The following ITSN1 variants were observed in gnomAD, a reference collection of about 807,000 sequenced individuals.
ITSN1 encodes the protein intersectin-1.
Under a neutral mutation model 239.8 loss-of-function variants are expected in ITSN1, and 58 were observed. The observed-to-expected ratio is 0.24, with a 90% CI of 0.20 to 0.30. The LOEUF (loss-of-function observed/expected upper bound fraction) is 0.30, where lower values mean the gene tolerates loss of function less well. Ranked by LOEUF, ITSN1 falls within the 10% of genes least tolerant of loss-of-function variation. The pLI, the probability that ITSN1 is intolerant of heterozygous loss-of-function variation, is 1.00. For missense variants in ITSN1, 1,558 were observed against 2,103.3 expected (o/e 0.74, Z 5.07); for synonymous variants, 780 against 770.8 (o/e 1.01, Z -0.20).
In ITSN1 at chr21:33,811,158, C is replaced by G; in HGVS notation, c.2503C>G (p.Pro835Ala). ...ACTGGCCTTGCGTGAGACCCCCGCC[C>G]CTTTGGCAGTAACCTCTTCAGAGCC... ...PKLALRETPA[P>A]LAVTSSEPST... The change falls in exon 21 of 40, where the codon CCT (proline) becomes GCT (alanine). Residue 835 changes from proline (P) to alanine (A), a missense_variant. Physicochemically the swap from Pro to Ala is conservative, Grantham distance 27. Around this residue, in one of 2 missense-constraint regions of ITSN1, gnomAD observed 982 missense variants for 1,209.9 expected, o/e 0.81. Transcript: ENST00000381318. 1 of 1,613,524 alleles carries G rather than the reference C, an allele frequency of 6.2e-7. No homozygotes were observed. The highest frequency in any genetic ancestry group is 8.5e-7 in the Non-Finnish European group (1 of 1,179,812).
chr21:33,895,370 AT>A lies in ITSN1; in HGVS notation c.*7075del. The A allele has an allele frequency of 6.6e-6, 1 of 152,504 alleles. No homozygotes were observed. The highest frequency in any genetic ancestry group is 1.5e-5 in the Non-Finnish European group (1 of 68,264). 9.4% of individuals were successfully genotyped at this position (152,504 alleles called of 1,614,324 possible). ...CTTCTGGAATTTTAGGTGGAAGGGA[AT>A]TTTTGTTGGTGGGACGCAGCAGCTC... On this transcript the variant is annotated 3_prime_UTR_variant, in exon 40 of 40. Coordinates refer to ENST00000381318, the MANE Select transcript of ITSN1 (RefSeq NM_003024.3).
At chr21:33,815,982 G>A (rs1387172922) in intron 22 of ITSN1, among the ~76,000 whole-genome samples, 1 of 152,050 alleles carries the variant, frequency 6.6e-6, no homozygotes, top group Non-Finnish European at 1.5e-5. Context: ...AGGAGTTCGT[G>A]TCCAGCCTGG....
chr21:33,879,876 C>T (rs1008190595), intron 34 of ITSN1, among the ~76,000 whole-genome samples: 1 of 152,206 alleles, frequency 6.6e-6, no homozygotes, highest in African/African-American at 2.4e-5. Flanking sequence ...GACGGGGTTT[C>T]GCCATGTTGG....
At chr21:33,805,416 A>G (rs955568789) in intron 20 of ITSN1, among the ~76,000 whole-genome samples, 1 of 152,188 alleles carries the variant, frequency 6.6e-6, no homozygotes, top group African/African-American at 2.4e-5. Context: ...ATTTCCATAG[A>G]TTAAACATCA....
At chr21:33,741,810 G>A (rs911973177) in intron 5 of ITSN1, among the ~76,000 whole-genome samples, 17 of 149,324 alleles carry the variant, frequency 1.1e-4, no homozygotes, top group Non-Finnish European at 2.5e-4. Flanking sequence ...CAGGAGAATG[G>A]CGTGAACCCT....
At position 33,829,719 on chromosome 21, in the gene ITSN1, G is replaced by T. The variant is rs1569267628; in HGVS notation, c.3325G>T (p.Gly1109Cys). The change falls in exon 27 of 40, where the codon GGT becomes TGT. Residue 1109 changes from glycine to cysteine, a missense_variant. By Grantham distance (159) the Gly-to-Cys change is radical (BLOSUM62 -3). Around this residue, in one of 2 missense-constraint regions of ITSN1, gnomAD observed 576 missense variants for 893.3 expected, o/e 0.64. Coordinates refer to ENST00000381318, the MANE Select transcript of ITSN1 (RefSeq NM_003024.3). ...QLILIRKKNPGGWWEGELQAR... is the reference protein window; with the variant it reads ...QLILIRKKNPCGWWEGELQAR... ...GATTTTGATCCGAAAAAAGAACCCA[G>T]GTGGATGGTGGGAAGGAGAGCTGCA... The T allele has an allele frequency of 6.2e-7, 1 of 1,613,694 alleles. No individual in the cohort carries two copies. The highest frequency in any genetic ancestry group is 8.5e-7 in the Non-Finnish European group (1 of 1,179,996).
chr21:33,819,120 A>G (rs1342993285), intron 23 of ITSN1, 121 bp from the exon 24 acceptor site: 3 of 674,604 alleles, frequency 4.4e-6, no homozygotes, highest in Non-Finnish European at 7.7e-6. Flanking sequence ...AAGTACAACT[A>G]TTTCAGCTGT....
intron 29 of ITSN1, among the ~76,000 whole-genome samples, chr21:33,843,850 GATA>G (rs1253692891): frequency 3.9e-5 from 6 of 152,228 alleles, no homozygotes; most frequent in Admixed American, 2.6e-4. Context: ...CATATGGAGA[GATA>G]ATGATGACAT....
intron 16 of ITSN1, among the ~76,000 whole-genome samples, chr21:33,782,344 A>C (rs547049388): frequency 2.0e-5 from 3 of 152,204 alleles, no homozygotes; most frequent in Non-Finnish European, 4.4e-5. Flanking sequence ...ATCTATTTTT[A>C]ACCTGAATCA....
At chr21:33,748,677 C>T (rs555879793) in intron 5 of ITSN1, among the ~76,000 whole-genome samples, 10 of 150,196 alleles carry the variant, frequency 6.7e-5, no homozygotes, top group South Asian at 4.2e-4. Flanking sequence ...TCATCTCTAC[C>T]GCCCCACCAA....
At position 33,702,081 on chromosome 21, in the gene ITSN1, A is replaced by G. The variant is rs1601721225; in HGVS notation, c.-32-16716A>G. On this transcript the variant is annotated intron_variant, in intron 1 of 39. Transcript: ENST00000381318. ...AAACTCTCTCTCAAAAAACAAAAAAACAAACAAAAAAATTTTTTTTTTTTT... is the reference window on the plus strand; with the variant it reads ...AAACTCTCTCTCAAAAAACAAAAAAGCAAACAAAAAAATTTTTTTTTTTTT... Among the ~76,000 whole-genome samples the G allele has an allele frequency of 5.5e-5, 7 of 127,114 alleles. No individual in the cohort carries two copies. In the Admixed American group the frequency reaches 5.6e-4, roughly 10 times the overall value. 83.4% of individuals were successfully genotyped at this position (127,114 alleles called of 152,430 possible). A position where few individuals can be genotyped will look rare whatever the true frequency, so the allele number is the denominator to read the frequency against.
intron 16 of ITSN1, among the ~76,000 whole-genome samples, chr21:33,787,643 A>T (rs894110010): frequency 1.3e-5 from 2 of 152,198 alleles, no homozygotes; most frequent in African/African-American, 2.4e-5. Flanking sequence ...CAACCAGAGG[A>T]AAAAAGAAAA....
Position 33,720,158 on chromosome 21 carries a change from C to T in ITSN1, c.29-1020C>T, listed in dbSNP as rs117162923. Among the ~76,000 whole-genome samples, 19 of 152,290 alleles carry T rather than the reference C, an allele frequency of 1.2e-4. No individual in the cohort carries two copies. In the East Asian group the frequency reaches 3.5e-3, roughly 28 times the overall value. ...TCTAGAAGTTGCAGAACTGTAAGGC[C>T]TGTGAGGAAGGGGTCATTTCTGTCT... On this transcript the variant is annotated intron_variant, in intron 2 of 39. Coordinates refer to ENST00000381318, the MANE Select transcript of ITSN1 (RefSeq NM_003024.3).
intron 4 of ITSN1, among the ~76,000 whole-genome samples, chr21:33,731,868 T>G (rs1324257177): frequency 6.6e-6 from 1 of 152,192 alleles, no homozygotes; most frequent in Non-Finnish European, 1.5e-5. Flanking sequence ...AAGCCGAATA[T>G]GAGTCACCAA....
chr21:33,701,583 A>G, intron 1 of ITSN1, among the ~76,000 whole-genome samples: 1 of 151,948 alleles, frequency 6.6e-6, no homozygotes, highest in South Asian at 2.1e-4. Context: ...ACTTGAAGCC[A>G]GGAGTTTGAG....
rs777504321 is a variant in ITSN1, at chr21:33,665,931, C to CT, written c.-33+23233dup. ...AAGAAGGCAATATACTGTATGGTTC[C>CT]TTTTTTTTTTTTTTTGAGAGGGAGT... On this transcript the variant is annotated intron_variant, in intron 1 of 39. Coordinates refer to ENST00000381318, the MANE Select transcript of ITSN1 (RefSeq NM_003024.3). 4.0e-3 allele frequency among the ~76,000 whole-genome samples: 558 copies of CT among 139,392 alleles called. 1 individual carries two copies. Among genetic ancestry groups the CT allele is most frequent in the Middle Eastern group, 7.3e-3 (2 of 274 alleles). 91.4% of individuals were successfully genotyped at this position (139,392 alleles called of 152,430 possible).
chr21:33,749,651 A>G (rs1471574370), intron 5 of ITSN1, among the ~76,000 whole-genome samples: 2 of 151,888 alleles, frequency 1.3e-5, no homozygotes, highest in Non-Finnish European at 2.9e-5. Flanking sequence ...CAAAAAAAAA[A>G]AGAAAAGAAA....
In ITSN1 at chr21:33,890,567, A is replaced by G. The variant is rs1029250009; in HGVS notation, c.*2267A>G. The stretch of plus-strand genomic sequence containing the variant: ...GTTCTGGATTAGTGTCCTTGTATTT[A>G]CTGGTGTAATTTGTAATGTAACCAA... On this transcript the variant is annotated 3_prime_UTR_variant, in exon 40 of 40. Coordinates refer to ENST00000381318, the MANE Select transcript of ITSN1 (RefSeq NM_003024.3). 3.9e-5 allele frequency: 6 copies of G among 152,170 alleles called. No homozygotes were observed. Among genetic ancestry groups the G allele is most frequent in the Non-Finnish European group, 2.9e-5 (2 of 68,032 alleles). The allele number at this position is 152,170 out of a possible 1,614,324, so 9.4% of individuals were successfully genotyped here.
chr21:33,693,305 T>C (rs2091633419), intron 1 of ITSN1, among the ~76,000 whole-genome samples: 1 of 152,082 alleles, frequency 6.6e-6, no homozygotes, highest in African/African-American at 2.4e-5. Context: ...ATATAGTGCT[T>C]TGCTCATACC....
Sources: allele counts gnomAD v4.1 joint callset (sites outside exome capture counted in the v4.1 genomes callset), GRCh38; gene constraint gnomAD v4.1.1; regional missense constraint gnomAD v4.1.1; transcripts MANE v1.5; gene names NCBI Gene and HGNC (gene_info 2026-07-23, HGNC 2026-07-21).